The following AKR1C3 variants were observed in gnomAD, a reference collection of about 807,000 sequenced individuals.
AKR1C3 encodes the protein aldo-keto reductase family 1 member C3.
AKR1C3 carries 48 observed loss-of-function variants against 43.6 expected under a neutral mutation model. The ratio of observed to expected loss-of-function variants is 1.10; its 90% CI spans 0.87 to 1.40. AKR1C3 has a LOEUF of 1.40. AKR1C3 is among the 40% of genes most tolerant of loss of function. The pLI, the probability that AKR1C3 is intolerant of heterozygous loss-of-function variation, is 0.00. For synonymous variants in AKR1C3, 162 were observed against 139.6 expected, an observed-to-expected ratio of 1.16 and a Z score of -1.13; for missense variants, 482 against 391.2, an observed-to-expected ratio of 1.23 and a Z score of -1.96.
chr10:5,073,080 T>C (rs564264037), intron 1 of AKR1C3, among the ~76,000 whole-genome samples: 1 of 152,208 alleles, frequency 6.6e-6, no homozygotes, highest in Middle Eastern at 3.4e-3. Flanking sequence ...TCACATGCCT[T>C]AGCCTCTCAA....
intron 1 of AKR1C3, among the ~76,000 whole-genome samples, chr10:5,087,444 C>T (rs983432312): frequency 2.0e-5 from 3 of 150,484 alleles, no homozygotes; most frequent in Admixed American, 6.7e-5. Context: ...GCAATCTCAG[C>T]TCACTGAAAC....
upstream of AKR1C3, among the ~76,000 whole-genome samples, chr10:5,090,930 C>G (rs1399486152): frequency 6.6e-6 from 1 of 151,986 alleles, no homozygotes; most frequent in Non-Finnish European, 1.5e-5. Context: ...AAGATGGAGT[C>G]TCAACATTGA....
intron 2 of AKR1C3, among the ~76,000 whole-genome samples, chr10:5,096,811 T>A (rs2801883): frequency 2.0e-5 from 3 of 151,926 alleles, no homozygotes; most frequent in Non-Finnish European, 4.4e-5. Context: ...GAGCTTCAGC[T>A]GAGATCAGTG....
chr10:5,097,566 G>A lies in AKR1C3; in HGVS notation c.369+16G>A. ...GTCTCTAAAGGTATGCAGTTTGTATGAGCATAAAATTGCGCTTCTGCTGTC... is the reference window on the plus strand; with the variant it reads ...GTCTCTAAAGGTATGCAGTTTGTATAAGCATAAAATTGCGCTTCTGCTGTC... On this transcript the variant is annotated intron_variant, in intron 3 of 8. Coordinates refer to ENST00000380554, the MANE Select transcript of AKR1C3 (RefSeq NM_003739.6). 6.2e-7 allele frequency: 1 copy of A among 1,613,100 alleles called. No individual in the cohort carries two copies.
intron 7 of AKR1C3, among the ~76,000 whole-genome samples, chr10:5,102,975 C>A: frequency 6.7e-6 from 1 of 149,378 alleles, no homozygotes; most frequent in Non-Finnish European, 1.5e-5. Context: ...GAGTCTCATT[C>A]TGTCTCCCAG....
rs371200808 is a variant in AKR1C3 at position 5,058,272 on chromosome 10, T to C, written c.84+9377T>C. The stretch of plus-strand genomic sequence containing the variant: ...TATTCTCCTTCAATGAAAAGAAAAC[T>C]TGGACATAAGGTATTTCACTCCATT... On this transcript the variant is annotated intron_variant, in intron 1 of 8. Transcript: ENST00000439082. Among the ~76,000 whole-genome samples the C allele has an allele frequency of 8.7e-4, 133 of 152,238 alleles. 2 individuals are homozygous for C. The South Asian group carries it at 0.027, about 31-fold the overall frequency.
rs1171974701 is a variant in AKR1C3, at chr10:5,097,341, C to A, written c.253-93C>A. 4 of 1,454,290 alleles carry A rather than the reference C, an allele frequency of 2.8e-6. No individual in the cohort carries two copies. In the African/African-American group the frequency reaches 4.3e-5, roughly 16 times the overall value. 90.1% of individuals were successfully genotyped at this position (1,454,290 alleles called of 1,614,324 possible). A position where few individuals can be genotyped will look rare whatever the true frequency, so the allele number is the denominator to read the frequency against. ...TTGCCAGTGGTCATAAATTTTGAAG[C>A]AGTAGGAAAATATCTAAATACTAGA... On this transcript the variant is annotated intron_variant, in intron 2 of 8. Coordinates refer to ENST00000380554, the MANE Select transcript of AKR1C3 (RefSeq NM_003739.6).
chr10:5,084,751 A>C (rs1252426806), intron 1 of AKR1C3, among the ~76,000 whole-genome samples: 3 of 152,058 alleles, frequency 2.0e-5, no homozygotes, highest in South Asian at 2.1e-4. Context: ...CTTTTATTTC[A>C]TTGAGTAGTG....
At position 5,054,321 on chromosome 10, in the gene AKR1C3, A is replaced by G. The variant is rs188449611; in HGVS notation, c.84+5426A>G. Among the ~76,000 whole-genome samples, 11 of 152,348 alleles carry G rather than the reference A, an allele frequency of 7.2e-5. No individual in the cohort carries two copies. The East Asian group carries it at 1.7e-3, about 24-fold the overall frequency. ...AGTAGGATAATGAAGTAGATAAACC[A>G]GCTATTCCGGTTCCTGTAGCAGTAG... On this transcript the variant is annotated intron_variant, in intron 1 of 8. Coordinates refer to the AKR1C3 transcript ENST00000439082.
intron 1 of AKR1C3, among the ~76,000 whole-genome samples, chr10:5,082,582 G>A (rs1010470407): frequency 5.9e-5 from 9 of 151,974 alleles, no homozygotes; most frequent in African/African-American, 1.7e-4. Flanking sequence ...ATGGTGAATC[G>A]TGGTGTAATC....
chr10:5,099,312 C>T lies in AKR1C3; in HGVS notation c.448-15C>T, dbSNP rs893704489. 1 of 1,613,934 alleles carries T rather than the reference C, an allele frequency of 6.2e-7. No homozygotes were observed. The highest frequency in any genetic ancestry group is 1.3e-5 in the African/African-American group (1 of 74,910). On this transcript the variant is annotated splice_polypyrimidine_tract_variant and intron_variant, in intron 4 of 8. Transcript: ENST00000380554. Reference sequence around the variant, plus strand: ...CAACTGCACAAATAATTCCTCACAACCCCTTTCTCCACAGGCCATGGAGAA... The same window carrying T: ...CAACTGCACAAATAATTCCTCACAATCCCTTTCTCCACAGGCCATGGAGAA...
rs782725675 is a variant in AKR1C3 at position 5,105,703 on chromosome 10, TC to T, written c.929+27del. ...GTAAGTTTCCTTTGTAAATGGGTGA[TC>T]TAATTTATTTCTGGAGAAGGAATGT... On this transcript the variant is annotated intron_variant, in intron 8 of 8. Coordinates refer to ENST00000380554, the MANE Select transcript of AKR1C3 (RefSeq NM_003739.6). 5.1e-6 allele frequency: 8 copies of T among 1,566,154 alleles called. No individual in the cohort carries two copies. In the East Asian group the frequency reaches 1.8e-4, roughly 35 times the overall value.
intron 1 of AKR1C3, among the ~76,000 whole-genome samples, chr10:5,083,450 G>A (rs190062205): frequency 0.013 from 1,954 of 152,288 alleles, 18 homozygotes; most frequent in Non-Finnish European, 0.02. Flanking sequence ...GTGTATAGGT[G>A]CCACATTTTC....
chr10:5,049,182 A>T (rs1838100291), intron 1 of AKR1C3, among the ~76,000 whole-genome samples: 2 of 152,300 alleles, frequency 1.3e-5, no homozygotes, highest in South Asian at 4.1e-4. Context: ...GCAGTGAAAA[A>T]CACTGCCTGC....
At chr10:5,094,359 G>A (rs28943578), upstream of AKR1C3, 12 of 841,634 alleles carry the variant, frequency 1.4e-5, no homozygotes, top group African/African-American at 5.8e-5. Context: ...TTGCAGGGGT[G>A]GGGGGAGGGG....
At chr10:5,081,806 T>TACC (rs1838843220) in intron 1 of AKR1C3, 1 of 152,222 alleles carries the variant, frequency 6.6e-6, no homozygotes, top group South Asian at 2.1e-4. Context: ...AATAATGTGG[T>TACC]ACCATTCATC....
At chr10:5,065,633 T>C (rs1838486115) in intron 1 of AKR1C3, among the ~76,000 whole-genome samples, 1 of 152,216 alleles carries the variant, frequency 6.6e-6, no homozygotes, top group Non-Finnish European at 1.5e-5. Context: ...TAGGGCCCCA[T>C]TACAGAATTT....
chr10:5,103,542 CAT>C (rs1839412681), intron 7 of AKR1C3, among the ~76,000 whole-genome samples: 1 of 152,162 alleles, frequency 6.6e-6, no homozygotes, highest in Non-Finnish European at 1.5e-5. Flanking sequence ...TGGGCTCTCT[CAT>C]GTGTTTGCAG....
intron 8 of AKR1C3, among the ~76,000 whole-genome samples, chr10:5,107,181 A>G (rs587744058): frequency 6.6e-6 from 1 of 152,362 alleles, no homozygotes; most frequent in East Asian, 1.9e-4. Flanking sequence ...AAGTATAATC[A>G]GAGTATCTCT....
Sources: gnomAD v4.1 joint callset for allele counts (sites outside exome capture counted in the v4.1 genomes callset) on GRCh38, gnomAD v4.1.1 for gene constraint, MANE v1.5 for transcripts, NCBI Gene and HGNC (gene_info 2026-07-23, HGNC 2026-07-21) for gene names.